The following TMEM117 variants were observed in gnomAD, a reference collection of about 807,000 sequenced individuals.
The protein encoded by TMEM117 is transmembrane protein 117.
In TMEM117, 27 loss-of-function variants were observed where a neutral mutation model predicts 52.4. The ratio of observed to expected loss-of-function variants is 0.51; its 90% confidence interval spans 0.38 to 0.71. TMEM117 has a LOEUF of 0.71. TMEM117 is among the 30% of genes least tolerant of loss of function. The pLI is 0.00. For missense variants in TMEM117, 556 were observed against 630.5 expected, an observed-to-expected ratio of 0.88 and a Z score of 1.26; for synonymous variants, 215 against 206.3, an observed-to-expected ratio of 1.04 and a Z score of -0.36.
At chr12:44,027,150 T>TTTTATTTTATTTTAGTTTAGTTTAG (rs1565797874) in intron 3 of TMEM117, among the ~76,000 whole-genome samples, 1 of 123,420 alleles carries the variant, frequency 8.1e-6, no homozygotes, top group African/African-American at 3.6e-5. Flanking sequence ...TTTTATTTTA[T>TTTTATTTTATTTTAGTTTAGTTTAG]TTTATTTTAT....
intron 3 of TMEM117, among the ~76,000 whole-genome samples, chr12:44,001,850 A>G (rs528275679): frequency 6.6e-6 from 1 of 152,184 alleles, no homozygotes; most frequent in South Asian, 2.1e-4. Context: ...ATTACTGAAT[A>G]TTTGGCACAG....
chr12:43,960,314 G>A (rs529089891), intron 3 of TMEM117, among the ~76,000 whole-genome samples: 54 of 151,766 alleles, frequency 3.6e-4, no homozygotes, highest in African/African-American at 9.9e-4. Context: ...TAAGGGGAGA[G>A]GGAGAAGGAG....
intron 3 of TMEM117, among the ~76,000 whole-genome samples, chr12:44,091,797 A>T (rs1053283785): frequency 6.6e-6 from 1 of 152,242 alleles, no homozygotes; most frequent in Admixed American, 6.5e-5. Flanking sequence ...AAACAATTTA[A>T]AACTGCATGT....
At chr12:43,930,983 A>G (rs961870705) in intron 2 of TMEM117, among the ~76,000 whole-genome samples, 12 of 152,162 alleles carry the variant, frequency 7.9e-5, no homozygotes, top group African/African-American at 2.9e-4. Context: ...TGAAAAAGAG[A>G]GCACAGAGGA....
intron 5 of TMEM117, among the ~76,000 whole-genome samples, chr12:44,240,893 A>T: frequency 6.6e-6 from 1 of 152,018 alleles, no homozygotes; most frequent in Non-Finnish European, 1.5e-5. Flanking sequence ...GGCCAAAGGG[A>T]TATGCATTTT....
At chr12:43,912,534 T>TATATATATATAA (rs1239034268) in intron 2 of TMEM117, among the ~76,000 whole-genome samples, 4 of 130,056 alleles carry the variant, frequency 3.1e-5, no homozygotes, top group African/African-American at 1.1e-4. Context: ...TATATATATA[T>TATATATATATAA]ATGGCAGAAT....
intron 3 of TMEM117, among the ~76,000 whole-genome samples, chr12:44,028,012 T>C (rs902934880): frequency 6.6e-6 from 1 of 152,106 alleles, no homozygotes; most frequent in Non-Finnish European, 1.5e-5. Flanking sequence ...GAGACCATGG[T>C]GAAACCCCGT....
chr12:44,262,702 T>G (rs557984909), intron 5 of TMEM117, among the ~76,000 whole-genome samples: 1 of 152,346 alleles, frequency 6.6e-6, no homozygotes, highest in East Asian at 1.9e-4. Context: ...TTCTCCTGCC[T>G]CAGCCTCCTG....
intron 2 of TMEM117, among the ~76,000 whole-genome samples, chr12:43,865,163 C>T (rs921427881): frequency 6.6e-6 from 1 of 152,142 alleles, no homozygotes; most frequent in Non-Finnish European, 1.5e-5. Flanking sequence ...TTCTTGAAGT[C>T]AGTGAGACCA....
At chr12:44,017,545 G>A (rs1946392310) in intron 3 of TMEM117, among the ~76,000 whole-genome samples, 1 of 151,952 alleles carries the variant, frequency 6.6e-6, no homozygotes, top group Admixed American at 6.6e-5. Context: ...TTGTCACTGG[G>A]TTGGCTAACT....
At chr12:44,392,363 A>G (rs1192084376), downstream of TMEM117, among the ~76,000 whole-genome samples, 1 of 152,134 alleles carries the variant, frequency 6.6e-6, no homozygotes, top group Non-Finnish European at 1.5e-5. Context: ...CTGCAGGGAG[A>G]GAATAGCCTC....
intron 3 of TMEM117, among the ~76,000 whole-genome samples, chr12:44,007,875 G>C (rs992569987): frequency 1.3e-5 from 2 of 152,068 alleles, no homozygotes; most frequent in Non-Finnish European, 2.9e-5. Context: ...CTTCTGCCAT[G>C]ATTGTGAGGC....
chr12:44,397,933 C>A, the TMEM117 span, among the ~76,000 whole-genome samples: 1 of 152,040 alleles, frequency 6.6e-6, no homozygotes, highest in Non-Finnish European at 1.5e-5. Flanking sequence ...TCTTACGGCC[C>A]CTCTTTCTGC....
At chr12:43,881,816 C>T (rs1332048282) in intron 2 of TMEM117, among the ~76,000 whole-genome samples, 29 of 124,122 alleles carry the variant, frequency 2.3e-4, no homozygotes, top group African/African-American at 7.4e-4. Flanking sequence ...AAAAAAAGGC[C>T]AGGCACAGTG....
chr12:44,051,485 T>TG (rs1946971538), intron 3 of TMEM117, among the ~76,000 whole-genome samples: 1 of 152,202 alleles, frequency 6.6e-6, no homozygotes, highest in Non-Finnish European at 1.5e-5. Flanking sequence ...AAAATTATTG[T>TG]GAAACTAGGT....
intron 3 of TMEM117, among the ~76,000 whole-genome samples, chr12:44,032,498 A>C (rs757991154): frequency 8.7e-4 from 133 of 152,206 alleles, no homozygotes; most frequent in Non-Finnish European, 8.1e-4. Flanking sequence ...GTGGCCACAT[A>C]TTGGAATCAT....
intron 3 of TMEM117, among the ~76,000 whole-genome samples, chr12:43,990,329 A>G (rs777160960): frequency 6.6e-6 from 1 of 152,148 alleles, no homozygotes; most frequent in Non-Finnish European, 1.5e-5. Context: ...ACTTTACACT[A>G]TTTTATTATC....
intron 2 of TMEM117, among the ~76,000 whole-genome samples, chr12:43,938,818 G>A (rs1217866420): frequency 1.3e-5 from 2 of 151,948 alleles, no homozygotes; most frequent in Admixed American, 6.6e-5. Flanking sequence ...GGCCAGCATG[G>A]TGAAACCCCA....
At chr12:44,360,852 G>A (rs1422637615) in intron 6 of TMEM117, among the ~76,000 whole-genome samples, 7 of 152,038 alleles carry the variant, frequency 4.6e-5, no homozygotes, top group African/African-American at 1.7e-4. Context: ...TTTATCTATT[G>A]TATGGTTTTA....
Sources: gnomAD v4.1 joint callset for allele counts (sites outside exome capture counted in the v4.1 genomes callset) on GRCh38, gnomAD v4.1.1 for gene constraint, MANE v1.5 for transcripts, NCBI Gene and HGNC (gene_info 2026-07-23, HGNC 2026-07-21) for gene names.